SLC4A5: variants seen among roughly 807,000 people sequenced by gnomAD.
SLC4A5 encodes electrogenic sodium bicarbonate cotransporter 4.
SLC4A5 carries 96 observed loss-of-function variants against 120.4 expected under a neutral mutation model. The observed-to-expected ratio is 0.80, with a 90% CI of 0.68 to 0.94. SLC4A5 has a LOEUF of 0.94. Among genes scored for constraint, SLC4A5 ranks in the 40% least tolerant of loss-of-function variants. The pLI is 0.00. For missense variants in SLC4A5, 1,259 were observed against 1,459.5 expected, an observed-to-expected ratio of 0.86 and a Z score of 2.24; for synonymous variants, 550 against 571.1, an observed-to-expected ratio of 0.96 and a Z score of 0.53.
intron 5 of SLC4A5, among the ~76,000 whole-genome samples, chr2:74,321,036 T>C (rs1673084616): frequency 6.6e-6 from 1 of 152,228 alleles, no homozygotes; most frequent in Non-Finnish European, 1.5e-5. Flanking sequence ...CGCATTGGTA[T>C]GGCTGCTATT....
intron 7 of SLC4A5, among the ~76,000 whole-genome samples, chr2:74,301,125 A>G (rs994993965): frequency 7.2e-5 from 11 of 152,166 alleles, no homozygotes; most frequent in African/African-American, 2.7e-4. Flanking sequence ...CTTGCAGCAT[A>G]TATTAAAGCC....
intron 3 of SLC4A5, among the ~76,000 whole-genome samples, chr2:74,336,662 T>C (rs1284644937): frequency 1.3e-5 from 2 of 152,214 alleles, no homozygotes; most frequent in Admixed American, 6.5e-5. Context: ...TTCACACAGC[T>C]GATAACTGGC....
At chr2:74,256,071 ACTC>A in intron 12 of SLC4A5, 139 bp from the exon 13 acceptor site, 1 of 913,138 alleles carries the variant, frequency 1.1e-6, no homozygotes, top group Non-Finnish European at 1.6e-6. Flanking sequence ...ATAAATAAGT[ACTC>A]CTCCGATTCT....
At chr2:74,329,220 G>A (rs1160775951) in intron 4 of SLC4A5, among the ~76,000 whole-genome samples, 5 of 152,338 alleles carry the variant, frequency 3.3e-5, no homozygotes, top group Admixed American at 2.0e-4. Flanking sequence ...ACAGATGCAG[G>A]TGATGAGGTA....
Position 74,224,840 on chromosome 2 carries a change from C to G in SLC4A5, c.3246G>C (p.Glu1082Asp). The G allele has an allele frequency of 1.9e-6, 3 of 1,606,152 alleles. No individual in the cohort carries two copies. The South Asian group carries it at 3.3e-5, about 18-fold the overall frequency. Residue 1082 changes from glutamate (E) to aspartate (D), a missense_variant and splice_region_variant, in exon 28 of 31, where the codon GAG becomes GAC. Physicochemically the swap from Glu to Asp is conservative, Grantham distance 45. Transcript: ENST00000394019. ...TGCCCCGGCCTCACATCTTCCCCACCTCCTCATCACAGTCCTCGTGGGCCC... is the reference window on the plus strand; with the variant it reads ...TGCCCCGGCCTCACATCTTCCCCACGTCCTCATCACAGTCCTCGTGGGCCC...
chr2:74,252,069 T>C (rs905055617), intron 16 of SLC4A5, 110 bp downstream of exon 16: 9 of 1,161,778 alleles, frequency 7.7e-6, no homozygotes, highest in Non-Finnish European at 8.6e-6. Flanking sequence ...AAGGCAGGGG[T>C]GACCTCGAGT....
exon 12 of SLC4A5, chr2:74,259,595 G>A (rs1326293025): frequency 1.2e-6 from 2 of 1,614,198 alleles, no homozygotes; most frequent in Non-Finnish European, 1.7e-6. Flanking sequence ...TACCTGGTCT[G>A]TGTTTGGGGT....
chr2:74,271,604 A>G (rs752947863), intron 8 of SLC4A5, among the ~76,000 whole-genome samples: 17 of 152,090 alleles, frequency 1.1e-4, no homozygotes, highest in Admixed American at 1.3e-4. Flanking sequence ...CCAAATATAC[A>G]TTAAGCTTTT....
exon 19 of SLC4A5, chr2:74,247,300 C>T: frequency 6.2e-7 from 1 of 1,611,858 alleles, no homozygotes; most frequent in Non-Finnish European, 8.5e-7. Flanking sequence ...TAGTCCAGGC[C>T]ATTGCCTCTG....
Position 74,232,569 on chromosome 2 carries a change from ACCAGGGGAGCC to A in SLC4A5, c.2663_2673del (p.Gly888ValfsTer163). 6.2e-7 allele frequency: 1 copy of A among 1,614,018 alleles called. No individual in the cohort carries two copies. The stretch of plus-strand genomic sequence containing the variant: ...ATGGAGATGACCGTGGCAGCCACGT[ACCAGGGGAGCC>A]CCATAAAGGAGCACAAAGCCATGAG... On this transcript the variant is annotated frameshift_variant, in exon 24 of 31. Coordinates refer to ENST00000394019, the Ensembl canonical transcript of SLC4A5. LOFTEE classifies it high-confidence loss of function.
rs113716528 is a variant in SLC4A5 at position 74,227,008 on chromosome 2, C to T, written c.3039G>A (p.Ala1013=). ...CCGTGGATTTGAGGATCCAGAGCAC[C>T]GCCAGGCAGAGGATCTGCACCAGGG... Residue 1013 remains alanine (A), a synonymous_variant, in exon 27 of 31, where the codon GCG becomes GCA. Coordinates refer to ENST00000394019, the Ensembl canonical transcript of SLC4A5. The T allele has an allele frequency of 2.1e-5, 34 of 1,614,076 alleles. 1 individual carries two copies. Among genetic ancestry groups the T allele is most frequent in the African/African-American group, 1.7e-4 (13 of 75,016 alleles).
At chr2:74,332,351 C>G (rs2104344277) in intron 4 of SLC4A5, among the ~76,000 whole-genome samples, 1 of 152,280 alleles carries the variant, frequency 6.6e-6, no homozygotes, top group Non-Finnish European at 1.5e-5. Context: ...CAGTTCTGGT[C>G]AGATGTTGGG....
intron 7 of SLC4A5, among the ~76,000 whole-genome samples, chr2:74,296,694 CAGG>C (rs942854182): frequency 2.1e-5 from 3 of 146,038 alleles, no homozygotes; most frequent in African/African-American, 7.7e-5. Context: ...GAGGCTGAGG[CAGG>C]AGAATTGCTT....
intron 25 of SLC4A5, among the ~76,000 whole-genome samples, chr2:74,229,562 G>A (rs1274483971): frequency 1.3e-5 from 2 of 151,958 alleles, no homozygotes; most frequent in Non-Finnish European, 2.9e-5. Flanking sequence ...AGCCTGATTC[G>A]AGCTTTTTAA....
At chr2:74,224,942 G>A (rs767444223) in exon 28 of SLC4A5, 6 of 1,613,964 alleles carry the variant, frequency 3.7e-6, no homozygotes, top group East Asian at 2.2e-5. Context: ...AGGCCAGGTC[G>A]TGCTGGGAAA....
intron 3 of SLC4A5, among the ~76,000 whole-genome samples, chr2:74,334,733 CT>C (rs146263824): frequency 8.1e-5 from 12 of 148,572 alleles, no homozygotes; most frequent in Admixed American, 2.7e-4. Flanking sequence ...TGGACAACTT[CT>C]TTTTTTTTTC....
At chr2:74,237,020 A>T (rs1161922444) in intron 21 of SLC4A5, among the ~76,000 whole-genome samples, 1 of 142,832 alleles carries the variant, frequency 7.0e-6, no homozygotes, top group Non-Finnish European at 1.5e-5. Flanking sequence ...TCTGTCGCCC[A>T]GGCTGGAGTG....
intron 5 of SLC4A5, among the ~76,000 whole-genome samples, 156 bp from the exon 6 acceptor site, chr2:74,315,181 T>G (rs1672927288): frequency 6.6e-6 from 1 of 152,122 alleles, no homozygotes; most frequent in Non-Finnish European, 1.5e-5. Context: ...GGCTCACACC[T>G]GTAATCCCAG....
At chr2:74,248,781 G>C (rs578145334) in intron 17 of SLC4A5, among the ~76,000 whole-genome samples, 2 of 152,198 alleles carry the variant, frequency 1.3e-5, no homozygotes, top group Non-Finnish European at 2.9e-5. Flanking sequence ...TACTCCCAGA[G>C]GACAGCCCAT....
Sources: allele counts gnomAD v4.1 joint callset (sites outside exome capture counted in the v4.1 genomes callset), GRCh38; gene constraint gnomAD v4.1.1; transcripts MANE v1.5; gene names NCBI Gene and HGNC (gene_info 2026-07-23, HGNC 2026-07-21).